The following SEMA3D variants were observed in gnomAD, a reference collection of about 807,000 sequenced individuals.
SEMA3D encodes the protein semaphorin-3D.
Under a neutral mutation model 100.1 loss-of-function variants are expected in SEMA3D, and 84 were observed. That is an observed-to-expected ratio of 0.84 (90% CI 0.70 to 1.01). The LOEUF (loss-of-function observed/expected upper bound fraction) is 1.01, where lower values mean the gene tolerates loss of function less well. Among genes scored for constraint, SEMA3D ranks in the 50% least tolerant of loss-of-function variants. SEMA3D has a pLI of 0.00. For synonymous variants in SEMA3D, 312 were observed against 320.7 expected (o/e 0.97, Z 0.29); for missense variants, 875 against 934.1 (o/e 0.94, Z 0.82).
chr7:85,030,456 T>A, intron 12 of SEMA3D, among the ~76,000 whole-genome samples: 1 of 144,624 alleles, frequency 6.9e-6, no homozygotes, highest in East Asian at 1.9e-4. Flanking sequence ...TTTAACGCGG[T>A]AACAATTTGG....
At chr7:85,125,390 A>G (rs1488868354) in intron 2 of SEMA3D, among the ~76,000 whole-genome samples, 2 of 152,034 alleles carry the variant, frequency 1.3e-5, no homozygotes, top group Middle Eastern at 3.2e-3. Flanking sequence ...TGTGCCTCTA[A>G]CATCGTAAGT....
chr7:85,090,518 T>C (rs1409732355), intron 4 of SEMA3D, among the ~76,000 whole-genome samples: 1 of 152,202 alleles, frequency 6.6e-6, no homozygotes, highest in Non-Finnish European at 1.5e-5. Context: ...TATTTCTATT[T>C]TCTTAATTTC....
chr7:85,118,620 T>C (rs1484802424), intron 3 of SEMA3D, among the ~76,000 whole-genome samples: 1 of 152,144 alleles, frequency 6.6e-6, no homozygotes, highest in Non-Finnish European at 1.5e-5. Flanking sequence ...GCTCTTATAA[T>C]GTGACCCTTG....
At chr7:85,069,376 A>G (rs553773967) in intron 6 of SEMA3D, among the ~76,000 whole-genome samples, 1 of 152,342 alleles carries the variant, frequency 6.6e-6, no homozygotes, top group South Asian at 2.1e-4. Flanking sequence ...TTAAAAATTT[A>G]TGGTTCATAA....
intron 1 of SEMA3D, among the ~76,000 whole-genome samples, chr7:85,166,064 T>C (rs548509587): frequency 6.6e-6 from 1 of 152,176 alleles, no homozygotes; most frequent in Non-Finnish European, 1.5e-5. Context: ...GTTAATGGCA[T>C]AAACAGGTTT....
intron 7 of SEMA3D, among the ~76,000 whole-genome samples, chr7:85,067,275 A>G (rs565312054): frequency 6.6e-6 from 1 of 152,270 alleles, no homozygotes; most frequent in Admixed American, 6.5e-5. Flanking sequence ...AACTGCCGCC[A>G]ATCTATTGTT....
intron 2 of SEMA3D, among the ~76,000 whole-genome samples, chr7:85,147,101 T>TTTTTC (rs1456946884): frequency 4.9e-5 from 6 of 122,520 alleles, no homozygotes; most frequent in Non-Finnish European, 8.4e-5. Flanking sequence ...TCTTTTTTTT[T>TTTTTC]TTTTTTTTTT....
intron 1 of SEMA3D, among the ~76,000 whole-genome samples, chr7:85,159,013 A>T (rs1461832901): frequency 6.6e-6 from 1 of 152,006 alleles, no homozygotes; most frequent in Admixed American, 6.6e-5. Flanking sequence ...CTGCTTTGTT[A>T]CCCACATCAC....
At chr7:85,128,832 C>T (rs144180721) in intron 2 of SEMA3D, among the ~76,000 whole-genome samples, 213 of 146,914 alleles carry the variant, frequency 1.4e-3, no homozygotes, top group East Asian at 0.012. Flanking sequence ...TAGTTGGAAA[C>T]TTGTTTTTCA....
chr7:85,043,275 C>T (rs906048438), intron 9 of SEMA3D, among the ~76,000 whole-genome samples: 1 of 152,052 alleles, frequency 6.6e-6, no homozygotes, highest in Non-Finnish European at 1.5e-5. Flanking sequence ...AGGAAGATCA[C>T]TTAAGCCCAG....
intron 4 of SEMA3D, among the ~76,000 whole-genome samples, 174 bp from the exon 5 acceptor site, chr7:85,081,753 C>G (rs1788072609): frequency 6.6e-6 from 1 of 152,164 alleles, no homozygotes; most frequent in Non-Finnish European, 1.5e-5. Flanking sequence ...CTGAAAGTTT[C>G]TAAAAGAAAA....
At chr7:85,064,315 C>T (rs1791554341) in intron 8 of SEMA3D, among the ~76,000 whole-genome samples, 1 of 152,090 alleles carries the variant, frequency 6.6e-6, no homozygotes, top group South Asian at 2.1e-4. Context: ...AAAAATCTGA[C>T]AATGCACAAA....
At position 85,121,904 on chromosome 7, in the gene SEMA3D, G is replaced by T; in HGVS notation, c.-13C>A. On this transcript the variant is annotated 5_prime_UTR_variant, in exon 3 of 19. Transcript: ENST00000284136. Reference sequence around the variant, plus strand: ...TATTAGCATTCATGATGAAAACAATGTTCTCTTTCAAATGGTGTTAATTTA... The same window carrying T: ...TATTAGCATTCATGATGAAAACAATTTTCTCTTTCAAATGGTGTTAATTTA... 2 of 1,523,846 alleles carry T rather than the reference G, an allele frequency of 1.3e-6. No individual in the cohort carries two copies. Among genetic ancestry groups the T allele is most frequent in the South Asian group, 1.2e-5 (1 of 80,550 alleles). The allele number at this position is 1,523,846 out of a possible 1,614,324, so 94.4% of individuals were successfully genotyped here.
At chr7:85,017,615 A>G (rs1418466941) in intron 15 of SEMA3D, among the ~76,000 whole-genome samples, 1 of 151,776 alleles carries the variant, frequency 6.6e-6, no homozygotes, top group East Asian at 1.9e-4. Context: ...ATAATAGTGC[A>G]GTTTGAATCT....
the SEMA3D span, among the ~76,000 whole-genome samples, chr7:85,198,056 T>C: frequency 1.3e-5 from 2 of 152,192 alleles, no homozygotes; most frequent in Non-Finnish European, 2.9e-5. Context: ...TTCTCATTTA[T>C]AGGAATAAAC....
chr7:85,032,749 C>T lies in SEMA3D; in HGVS notation c.1191+4140G>A, dbSNP rs144788769. On this transcript the variant is annotated intron_variant, in intron 12 of 18. Coordinates refer to ENST00000284136, the MANE Select transcript of SEMA3D (RefSeq NM_001384900.1). ...ACTCAGTACAACCAAAAAGAAAATC[C>T]TCCTTCTTTAACCACAACTGTAAAA... is the stretch of plus-strand genomic sequence containing the variant. Among the ~76,000 whole-genome samples, 272 of 152,182 alleles carry T rather than the reference C, an allele frequency of 1.8e-3. 1 individual carries two copies. Among genetic ancestry groups the T allele is most frequent in the African/African-American group, 6.0e-3 (248 of 41,558 alleles).
intron 1 of SEMA3D, among the ~76,000 whole-genome samples, chr7:85,163,509 A>AAAG (rs1182965779): frequency 5.9e-5 from 9 of 152,116 alleles, no homozygotes; most frequent in African/African-American, 2.2e-4. Flanking sequence ...AATAAGAAAA[A>AAAG]AAGAATCAAC....
At chr7:85,198,340 A>G in the SEMA3D span, among the ~76,000 whole-genome samples, 1 of 152,038 alleles carries the variant, frequency 6.6e-6, no homozygotes, top group South Asian at 2.1e-4. Context: ...TTTTGTATAT[A>G]AAGCTTATTG....
Position 85,140,705 on chromosome 7 carries a change from T to TA in SEMA3D, c.-41+12902dup, listed in dbSNP as rs753381988. On this transcript the variant is annotated intron_variant, in intron 2 of 18. Transcript: ENST00000284136. ...CTGTTAAGGAGTCATTATTAAGAGATAAATCTATTTAATACAAGTTTCTTC... is the reference window on the plus strand; with the variant it reads ...CTGTTAAGGAGTCATTATTAAGAGATAAAATCTATTTAATACAAGTTTCTTC... The TA allele has an allele frequency of 3.1e-6, 3 of 978,396 alleles. 1 individual carries two copies. In the South Asian group the frequency reaches 1.4e-4, roughly 46 times the overall value. The allele number at this position is 978,396 out of a possible 1,614,324, so 60.6% of individuals were successfully genotyped here. A position where few individuals can be genotyped will look rare whatever the true frequency, so the allele number is the denominator to read the frequency against.
Sources: gnomAD v4.1 joint callset for allele counts (sites outside exome capture counted in the v4.1 genomes callset) on GRCh38, gnomAD v4.1.1 for gene constraint, MANE v1.5 for transcripts, NCBI Gene and HGNC (gene_info 2026-07-23, HGNC 2026-07-21) for gene names.